CACNA1E: variants seen among roughly 807,000 people sequenced by gnomAD.
CACNA1E encodes voltage-dependent R-type calcium channel subunit alpha-1E.
CACNA1E carries 40 observed loss-of-function variants against 259.2 expected under a neutral mutation model. The observed-to-expected ratio is 0.15, with a 90% CI of 0.12 to 0.20. The LOEUF (loss-of-function observed/expected upper bound fraction) is 0.20. Ranked by LOEUF, CACNA1E falls within the 10% of genes least tolerant of loss-of-function variation. The pLI is 1.00. For synonymous variants in CACNA1E, 1,104 were observed against 1,138.5 expected (o/e 0.97, Z 0.61); for missense variants, 1,874 against 3,040.1 (o/e 0.62, Z 9.02).
intron 2 of CACNA1E, among the ~76,000 whole-genome samples, chr1:181,510,954 C>T (rs1020870361): frequency 6.6e-6 from 1 of 152,214 alleles, no homozygotes; most frequent in Admixed American, 6.5e-5. Context: ...CGTCCTTATT[C>T]TCCTTAAAGA....
At chr1:181,413,699 T>G (rs1308156988) in intron 2 of CACNA1E, 3 of 152,536 alleles carry the variant, frequency 2.0e-5, no homozygotes, top group Non-Finnish European at 2.9e-5. Context: ...GCTTTCGCTG[T>G]GCTGCGACTA....
Position 181,675,751 on chromosome 1 carries a change from A to G in CACNA1E, c.1055+24310A>G, listed in dbSNP as rs558622368. 1.6e-3 allele frequency among the ~76,000 whole-genome samples: 244 copies of G among 152,352 alleles called. 1 individual carries two copies. Among genetic ancestry groups the G allele is most frequent in the African/African-American group, 5.6e-3 (231 of 41,584 alleles). On this transcript the variant is annotated intron_variant, in intron 7 of 47. Coordinates refer to ENST00000367573, the MANE Select transcript of CACNA1E (RefSeq NM_001205293.3). The stretch of plus-strand genomic sequence containing the variant: ...ACCCTCTGTGTGTTGGGAGTGTCAA[A>G]GCTGCTTGCTCCTGGCTGACCTGGG...
At chr1:181,446,288 G>T (rs1215828898) in intron 2 of CACNA1E, among the ~76,000 whole-genome samples, 1 of 152,214 alleles carries the variant, frequency 6.6e-6, no homozygotes, top group Non-Finnish European at 1.5e-5. Context: ...TTTTGCCTTG[G>T]TCTGTAATAA....
At chr1:181,324,786 T>A (rs937874051) in intron 1 of CACNA1E, among the ~76,000 whole-genome samples, 2 of 152,160 alleles carry the variant, frequency 1.3e-5, no homozygotes, top group South Asian at 4.2e-4. Flanking sequence ...TACAGAGGGA[T>A]GGAGAGGGAC....
intron 3 of CACNA1E, among the ~76,000 whole-genome samples, chr1:181,576,370 C>A (rs908328575): frequency 3.3e-5 from 5 of 152,160 alleles, no homozygotes; most frequent in African/African-American, 1.2e-4. Context: ...TGAAGCCGTC[C>A]GCTTGGCTGT....
intron 7 of CACNA1E, among the ~76,000 whole-genome samples, chr1:181,698,537 C>G (rs1448141104): frequency 6.6e-6 from 1 of 152,088 alleles, no homozygotes; most frequent in Non-Finnish European, 1.5e-5. Context: ...GTAATGAGTC[C>G]CAATACAGTT....
intron 1 of CACNA1E, among the ~76,000 whole-genome samples, chr1:181,498,438 C>T (rs1388794398): frequency 6.6e-6 from 1 of 152,114 alleles, no homozygotes; most frequent in African/African-American, 2.4e-5. Flanking sequence ...AGAAGTATTT[C>T]CATGGACTCT....
intron 4 of CACNA1E, 103 bp downstream of exon 4, chr1:181,577,972 C>CT: frequency 1.5e-6 from 1 of 687,990 alleles, no homozygotes; most frequent in Non-Finnish European, 2.5e-6. Context: ...AATATTCCTC[C>CT]TGGGAGGAAG....
chr1:181,783,668 C>A lies in CACNA1E; in HGVS notation c.5365-11C>A. ...TTTTTGCCTGCTGTTTCTTTTTTCT[C>A]TTTCACACAGAGGTTGGTCCTGATG... On this transcript the variant is annotated splice_polypyrimidine_tract_variant and intron_variant, in intron 39 of 47. Transcript: ENST00000367573. 7 of 1,402,622 alleles carry A rather than the reference C, an allele frequency of 5.0e-6. No homozygotes were observed. Among genetic ancestry groups the A allele is most frequent in the South Asian group, 1.4e-5 (1 of 69,790 alleles). The allele number at this position is 1,402,622 out of a possible 1,614,324, so 86.9% of individuals were successfully genotyped here.
intron 2 of CACNA1E, among the ~76,000 whole-genome samples, chr1:181,461,582 A>G (rs1319948367): frequency 4.7e-5 from 7 of 148,360 alleles, no homozygotes; most frequent in Admixed American, 3.4e-4. Context: ...AATCCATTTT[A>G]TAGATGATAG....
chr1:181,592,962 C>G (rs1261412789), intron 6 of CACNA1E, among the ~76,000 whole-genome samples: 1 of 152,076 alleles, frequency 6.6e-6, no homozygotes. Context: ...CACTTGATCC[C>G]CTCCTGCCAT....
chr1:181,362,164 C>T (rs1424111927), intron 1 of CACNA1E, among the ~76,000 whole-genome samples: 3 of 152,178 alleles, frequency 2.0e-5, no homozygotes, highest in Non-Finnish European at 4.4e-5. Context: ...CTGTTTTCTC[C>T]AGCAACTTCC....
In CACNA1E at chr1:181,380,588, A is replaced by G. The variant is rs111964243; in HGVS notation, c.-14-32545A>G. ...GAATTCAAACAAGTGGCAAATAAGC[A>G]CATTAAAGTACACTCACTATTGTTG... On this transcript the variant is annotated intron_variant, in intron 1 of 11. Transcript: ENST00000524607. Among the ~76,000 whole-genome samples the G allele has an allele frequency of 5.4e-3, 817 of 152,330 alleles. 10 individuals carry two copies. The highest frequency in any genetic ancestry group is 0.018 in the African/African-American group (765 of 41,584).
chr1:181,536,341 T>C (rs924746019), intron 3 of CACNA1E, among the ~76,000 whole-genome samples: 7 of 152,210 alleles, frequency 4.6e-5, no homozygotes, highest in African/African-American at 1.4e-4. Flanking sequence ...CTTGTGTTGA[T>C]TTCTGGGAAC....
intron 1 of CACNA1E, among the ~76,000 whole-genome samples, chr1:181,490,628 G>A (rs1473730615): frequency 6.6e-6 from 1 of 150,450 alleles, no homozygotes; most frequent in African/African-American, 2.5e-5. Context: ...ATTTTTGTGT[G>A]TGTGCTGCAT....
intron 2 of CACNA1E, among the ~76,000 whole-genome samples, chr1:181,443,603 T>C (rs3845432): frequency 0.52 from 78,949 of 152,056 alleles, 21,228 homozygotes; most frequent in African/African-American, 0.66. Flanking sequence ...TCTTATCACC[T>C]CACTACACAG....
chr1:181,728,813 G>A (rs547521235), intron 18 of CACNA1E, among the ~76,000 whole-genome samples: 16 of 150,100 alleles, frequency 1.1e-4, no homozygotes, highest in South Asian at 8.5e-4. Context: ...TGTGAACATC[G>A]CTCAGGTGTA....
In CACNA1E at chr1:181,798,996, G is replaced by A. The variant is rs1396694644; in HGVS notation, c.*162G>A. On this transcript the variant is annotated 3_prime_UTR_variant, in exon 48 of 48. Transcript: ENST00000367573. This position sits in a 1 kb window ranked among gnomAD's most constrained non-coding sequence, Gnocchi z 4.2. ...GAAGTAAAGGACAATCAGAACACCA[G>A]TCAAACCCACCAAATTGCTTTATTC... is the stretch of plus-strand genomic sequence containing the variant. 3.3e-6 allele frequency: 2 copies of A among 601,862 alleles called. No individual in the cohort carries two copies. The highest frequency in any genetic ancestry group is 1.9e-5 in the African/African-American group (1 of 53,706). The allele number at this position is 601,862 out of a possible 1,614,324, so 37.3% of individuals were successfully genotyped here.
chr1:181,615,059 T>C (rs1476585601), intron 6 of CACNA1E, among the ~76,000 whole-genome samples: 3 of 152,194 alleles, frequency 2.0e-5, no homozygotes, highest in African/African-American at 4.8e-5. Context: ...CTATAGAATA[T>C]TGGGGAGAAT....
Sources: gnomAD v4.1 joint callset for allele counts (sites outside exome capture counted in the v4.1 genomes callset) on GRCh38, gnomAD v4.1.1 for gene constraint, Gnocchi (gnomAD v3.1) non-coding constraint, MANE v1.5 for transcripts, NCBI Gene and HGNC (gene_info 2026-07-23, HGNC 2026-07-21) for gene names.